PTPRD: variants seen among roughly 807,000 people sequenced by gnomAD.
PTPRD encodes the protein receptor-type tyrosine-protein phosphatase delta.
A neutral mutation model predicts 214.5 loss-of-function variants in PTPRD; 34 were observed. The observed-to-expected ratio is 0.16, with a 90% CI of 0.12 to 0.21. The LOEUF is 0.21. PTPRD is among the 10% of genes least tolerant of loss of function. The pLI is 1.00. For synonymous variants in PTPRD, 1,128 were observed against 845.7 expected, an observed-to-expected ratio of 1.33 and a Z score of -5.79; for missense variants, 2,545 against 2,398.7, an observed-to-expected ratio of 1.06 and a Z score of -1.27.
intron 14 of PTPRD, among the ~76,000 whole-genome samples, chr9:8,576,362 TA>T (rs2092356591): frequency 2.6e-5 from 4 of 152,180 alleles, no homozygotes; most frequent in African/African-American, 9.7e-5. Context: ...GAAAGACTCT[TA>T]CTGATATTTG....
intron 3 of PTPRD, among the ~76,000 whole-genome samples, chr9:10,237,794 T>C (rs2099633837): frequency 6.6e-6 from 1 of 151,920 alleles, no homozygotes; most frequent in Non-Finnish European, 1.5e-5. Context: ...CAACATAGCA[T>C]CACCATCATT....
chr9:9,513,528 T>C (rs1268914793), intron 8 of PTPRD, among the ~76,000 whole-genome samples: 1 of 151,770 alleles, frequency 6.6e-6, no homozygotes, highest in Non-Finnish European at 1.5e-5. Context: ...CCAAAAATTA[T>C]TTATATACAT....
chr9:10,545,739 A>G (rs376309194), intron 2 of PTPRD, among the ~76,000 whole-genome samples: 2 of 152,180 alleles, frequency 1.3e-5, no homozygotes, highest in African/African-American at 4.8e-5. Context: ...TTTTCTCTGG[A>G]AGAACCCCAA....
At chr9:9,903,037 A>G (rs1368662225) in intron 5 of PTPRD, among the ~76,000 whole-genome samples, 1 of 151,762 alleles carries the variant, frequency 6.6e-6, no homozygotes, top group Non-Finnish European at 1.5e-5. Context: ...TCCAGTAAAA[A>G]TCAAGGATTT....
chr9:8,970,544 A>G (rs571746812), intron 11 of PTPRD, among the ~76,000 whole-genome samples: 2 of 151,958 alleles, frequency 1.3e-5, no homozygotes, highest in South Asian at 2.1e-4. Flanking sequence ...CATGAATTCT[A>G]TGAGACAGCA....
chr9:10,295,219 C>T (rs184314353), intron 3 of PTPRD, among the ~76,000 whole-genome samples: 10 of 152,054 alleles, frequency 6.6e-5, no homozygotes, highest in African/African-American at 2.4e-4. Context: ...AAACAAAGAC[C>T]ATCAAACAAT....
intron 10 of PTPRD, among the ~76,000 whole-genome samples, chr9:9,133,619 A>G (rs574674319): frequency 6.6e-6 from 1 of 152,338 alleles, no homozygotes; most frequent in African/African-American, 2.4e-5. Context: ...GGGATTTTAG[A>G]TGTGAGTACT....
intron 2 of PTPRD, among the ~76,000 whole-genome samples, chr9:10,385,839 A>G: frequency 6.7e-6 from 1 of 148,798 alleles, no homozygotes; most frequent in Middle Eastern, 3.4e-3. Context: ...TGTAAATACT[A>G]AATTCTTTTC....
chr9:9,931,918 C>A lies in PTPRD; in HGVS notation c.-368+6589G>T, dbSNP rs1280150269. Among the ~76,000 whole-genome samples, 9 of 151,512 alleles carry A rather than the reference C, an allele frequency of 5.9e-5. No homozygotes were observed. The South Asian group carries it at 1.9e-3, about 32-fold the overall frequency. On this transcript the variant is annotated intron_variant, in intron 5 of 45. Transcript: ENST00000381196. ...CTGCCTCCTCAAGTGGGTCCCTGAC[C>A]CCTGACCCCCGAGCAGCCTAACTGG...
intron 36 of PTPRD, among the ~76,000 whole-genome samples, chr9:8,398,092 T>C (rs370084029): frequency 6.6e-6 from 1 of 152,194 alleles, no homozygotes; most frequent in South Asian, 2.1e-4. Flanking sequence ...ATAGATCACA[T>C]ATCAAAGAAA....
intron 35 of PTPRD, among the ~76,000 whole-genome samples, chr9:8,405,825 T>C (rs868557887): frequency 6.6e-6 from 1 of 152,196 alleles, no homozygotes; most frequent in Admixed American, 6.5e-5. Context: ...TGCCTTTATG[T>C]GTATATGTAG....
intron 9 of PTPRD, among the ~76,000 whole-genome samples, chr9:9,279,332 A>G (rs957473908): frequency 1.5e-4 from 21 of 144,192 alleles, no homozygotes; most frequent in South Asian, 1.1e-3. Context: ...AGATATATAT[A>G]TACCTAAATT....
chr9:9,320,210 T>A (rs1242040438), intron 9 of PTPRD, among the ~76,000 whole-genome samples: 1 of 152,192 alleles, frequency 6.6e-6, no homozygotes, highest in Non-Finnish European at 1.5e-5. Flanking sequence ...TTCCTTTTGT[T>A]CTTATTTTTC....
chr9:9,397,281 C>G (rs1008848699), intron 9 of PTPRD, among the ~76,000 whole-genome samples, 168 bp downstream of exon 9: 38 of 151,926 alleles, frequency 2.5e-4, no homozygotes, highest in African/African-American at 8.9e-4. Context: ...TAAAGTCTTA[C>G]TTTTAATTGA....
chr9:9,855,058 G>T (rs558227899), intron 5 of PTPRD, among the ~76,000 whole-genome samples: 1 of 152,258 alleles, frequency 6.6e-6, no homozygotes, highest in South Asian at 2.1e-4. Flanking sequence ...CCCCATAGCC[G>T]ATGGTGGCTT....
intron 2 of PTPRD, among the ~76,000 whole-genome samples, chr9:10,479,013 G>T (rs1180596871): frequency 1.3e-5 from 2 of 152,062 alleles, no homozygotes. Flanking sequence ...CAAAAACGAT[G>T]AAAACTTTTC....
intron 2 of PTPRD, among the ~76,000 whole-genome samples, chr9:10,402,961 T>G (rs2098295583): frequency 1.3e-5 from 2 of 151,364 alleles, no homozygotes; most frequent in Non-Finnish European, 3.0e-5. Flanking sequence ...CACCGCTTCC[T>G]CACAGCACAT....
chr9:10,330,792 C>T (rs1034547643), intron 3 of PTPRD, among the ~76,000 whole-genome samples: 4 of 151,750 alleles, frequency 2.6e-5, no homozygotes, highest in African/African-American at 7.2e-5. Flanking sequence ...AGGCAGAGGG[C>T]AGCAAAAAGC....
Position 9,852,879 on chromosome 9 carries a change from T to C in PTPRD, c.-368+85628A>G, listed in dbSNP as rs561672825. Among the ~76,000 whole-genome samples, 11 of 152,282 alleles carry C rather than the reference T, an allele frequency of 7.2e-5. No individual in the cohort carries two copies. In the Middle Eastern group the frequency reaches 0.014, roughly 188 times the overall value. ...ATAAGATATGCATAAATCTACACAA[T>C]AGCAGATCAAGTAGGGGCTCTTGAT... On this transcript the variant is annotated intron_variant, in intron 5 of 45. Transcript: ENST00000381196.
Sources: gnomAD v4.1 joint callset for allele counts (sites outside exome capture counted in the v4.1 genomes callset) on GRCh38, gnomAD v4.1.1 for gene constraint, MANE v1.5 for transcripts, NCBI Gene and HGNC (gene_info 2026-07-23, HGNC 2026-07-21) for gene names.